MRPS28: variants seen among roughly 807,000 people sequenced by gnomAD.
MRPS28 encodes mitochondrial ribosomal protein S28.
MRPS28 carries 7 observed loss-of-function variants against 10.8 expected under a neutral mutation model. The ratio of observed to expected loss-of-function variants is 0.65; its 90% CI spans 0.37 to 1.22. The LOEUF (loss-of-function observed/expected upper bound fraction) is 1.22. Among genes scored for constraint, MRPS28 ranks in the 50% most tolerant of loss-of-function variants. The pLI is 0.02. For synonymous variants in MRPS28, 121 were observed against 93.3 expected (o/e 1.30, Z -1.71); for missense variants, 265 against 232.9 (o/e 1.14, Z -0.90).
intron 2 of MRPS28, among the ~76,000 whole-genome samples, chr8:79,948,518 G>A (rs1806989073): frequency 6.6e-6 from 1 of 152,058 alleles, no homozygotes; most frequent in Non-Finnish European, 1.5e-5. Context: ...AGAGTAAAAA[G>A]TTAAAAAGAA....
intron 2 of MRPS28, among the ~76,000 whole-genome samples, chr8:79,977,365 AT>A (rs749099351): frequency 2.0e-5 from 3 of 152,204 alleles, no homozygotes; most frequent in Non-Finnish European, 4.4e-5. Flanking sequence ...CATAAATCCA[AT>A]TTTACTAATT....
chr8:79,957,544 T>TGC (rs1807254372), intron 2 of MRPS28, among the ~76,000 whole-genome samples: 2 of 44,180 alleles, frequency 4.5e-5, no homozygotes, highest in African/African-American at 1.8e-4. Context: ...ACCTTGTCTC[T>TGC]ACAAAAAAAA....
At chr8:79,981,729 T>G (rs1807959932) in intron 2 of MRPS28, among the ~76,000 whole-genome samples, 1 of 151,874 alleles carries the variant, frequency 6.6e-6, no homozygotes, top group Non-Finnish European at 1.5e-5. Flanking sequence ...TAACAAAGAG[T>G]TGACACTACT....
chr8:79,939,999 A>G (rs1238133224), intron 2 of MRPS28, among the ~76,000 whole-genome samples: 1 of 151,310 alleles, frequency 6.6e-6, no homozygotes, highest in Non-Finnish European at 1.5e-5. Flanking sequence ...AAAGAAATAT[A>G]TATCAATAAG....
chr8:79,944,701 C>CTTTTTTTTTTTTT (rs57397948), intron 2 of MRPS28, among the ~76,000 whole-genome samples: 7 of 137,630 alleles, frequency 5.1e-5, no homozygotes, highest in African/African-American at 1.1e-4. Context: ...TTTCTTTTTT[C>CTTTTTTTTTTTTT]TTTTTTTTTT....
At chr8:79,952,329 C>T (rs1199042045) in intron 2 of MRPS28, among the ~76,000 whole-genome samples, 1 of 152,084 alleles carries the variant, frequency 6.6e-6, no homozygotes, top group Non-Finnish European at 1.5e-5. Context: ...TTTAATGGGC[C>T]TACTTTCTCT....
At chr8:80,001,196 G>A (rs527347461) in intron 2 of MRPS28, among the ~76,000 whole-genome samples, 34 of 152,320 alleles carry the variant, frequency 2.2e-4, no homozygotes, top group Admixed American at 1.4e-3. Flanking sequence ...CAGGCACTGC[G>A]ATGGACAGCA....
intron 2 of MRPS28, among the ~76,000 whole-genome samples, chr8:79,968,343 T>C (rs951981837): frequency 1.3e-5 from 2 of 152,118 alleles, no homozygotes; most frequent in East Asian, 3.9e-4. Flanking sequence ...TAAGTGCACA[T>C]CAGAACCACA....
intron 2 of MRPS28, among the ~76,000 whole-genome samples, chr8:79,945,567 G>A (rs1405942189): frequency 6.6e-6 from 1 of 152,150 alleles, no homozygotes; most frequent in African/African-American, 2.4e-5. Flanking sequence ...ACTGGACAGT[G>A]GTGATGGTTG....
intron 2 of MRPS28, among the ~76,000 whole-genome samples, chr8:79,958,996 A>T (rs1270974213): frequency 6.6e-6 from 1 of 152,188 alleles, no homozygotes; most frequent in Non-Finnish European, 1.5e-5. Context: ...TTATCTATAA[A>T]TTAGTGGTAT....
chr8:80,030,133 C>T lies in MRPS28; in HGVS notation c.116G>A (p.Ser39Asn). 1 of 1,613,220 alleles carries T rather than the reference C, an allele frequency of 6.2e-7. No individual in the cohort carries two copies. Among genetic ancestry groups the T allele is most frequent in the Non-Finnish European group, 8.5e-7 (1 of 1,180,032 alleles). Residue 39 changes from serine (S) to asparagine (N), a missense_variant, in exon 1 of 3, where the codon AGT (serine) becomes AAT (asparagine). Physicochemically the swap from Ser to Asn is conservative, Grantham distance 46. Coordinates refer to ENST00000276585, the MANE Select transcript of MRPS28 (RefSeq NM_014018.3). Reference protein sequence around the residue: ...VGTESGSESGSSNAKEPKTRA... With the variant: ...VGTESGSESGNSNAKEPKTRA... ...CGTCTTAGGCTCCTTGGCATTGGAA[C>T]TACCACTTTCGGATCCACTCTCAGT...
At chr8:79,949,920 TTAAA>T (rs2129965722) in intron 2 of MRPS28, among the ~76,000 whole-genome samples, 2 of 152,326 alleles carry the variant, frequency 1.3e-5, no homozygotes, top group Admixed American at 6.5e-5. Context: ...TTTCGTTACT[TTAAA>T]TAAACTTTTC....
chr8:79,982,513 A>G (rs1807993135), intron 2 of MRPS28, among the ~76,000 whole-genome samples: 1 of 152,140 alleles, frequency 6.6e-6, no homozygotes, highest in African/African-American at 2.4e-5. Context: ...TTCCTAGTCA[A>G]AGAAGGGGGT....
intron 1 of MRPS28, among the ~76,000 whole-genome samples, chr8:80,025,089 CAAATG>C (rs1809462450): frequency 6.6e-6 from 1 of 152,110 alleles, no homozygotes; most frequent in African/African-American, 2.4e-5. Flanking sequence ...AACCATTTTA[CAAATG>C]AAATCTTACA....
intron 2 of MRPS28, among the ~76,000 whole-genome samples, chr8:79,985,563 C>T (rs202124100): frequency 1.3e-5 from 2 of 151,938 alleles, no homozygotes; most frequent in Admixed American, 1.3e-4. Flanking sequence ...AGAAGAATCA[C>T]ATAGACGCAA....
chr8:79,921,246 T>G (rs950143487), intron 2 of MRPS28, among the ~76,000 whole-genome samples: 32 of 152,152 alleles, frequency 2.1e-4, no homozygotes, highest in Non-Finnish European at 4.6e-4. Context: ...TTTGTTCTTT[T>G]GGCTTAGGAT....
intron 2 of MRPS28, among the ~76,000 whole-genome samples, chr8:79,942,817 CTAAGA>C (rs1344885395): frequency 6.6e-6 from 1 of 151,594 alleles, no homozygotes; most frequent in African/African-American, 2.4e-5. Context: ...ACAGCTACAG[CTAAGA>C]TAAGAAAAAA....
chr8:80,019,526 T>C (rs768373861), intron 1 of MRPS28, among the ~76,000 whole-genome samples: 191 of 152,054 alleles, frequency 1.3e-3, no homozygotes, highest in Non-Finnish European at 2.5e-3. Flanking sequence ...AAAACCTACA[T>C]ATGTAATGGT....
At chr8:79,936,016 C>G (rs2129913357) in intron 2 of MRPS28, among the ~76,000 whole-genome samples, 1 of 151,732 alleles carries the variant, frequency 6.6e-6, no homozygotes, top group East Asian at 1.9e-4. Context: ...AATCCACATA[C>G]TTTTGCTATT....
Sources: gnomAD v4.1 joint callset for allele counts (sites outside exome capture counted in the v4.1 genomes callset) on GRCh38, gnomAD v4.1.1 for gene constraint, MANE v1.5 for transcripts, NCBI Gene and HGNC (gene_info 2026-07-23, HGNC 2026-07-21) for gene names.